Variants in INSR observed in about 807,000 individuals in gnomAD.
INSR encodes insulin receptor.
A neutral mutation model predicts 142.6 loss-of-function variants in INSR; 67 were observed. The ratio of observed to expected loss-of-function variants is 0.47; its 90% CI spans 0.39 to 0.58. The LOEUF is 0.58. INSR is among the 20% of genes least tolerant of loss of function. The pLI is 0.00. For synonymous variants in INSR, 756 were observed against 743.1 expected, an observed-to-expected ratio of 1.02 and a Z score of -0.28; for missense variants, 1,248 against 1,833.2, an observed-to-expected ratio of 0.68 and a Z score of 5.83.
intron 4 of INSR, 24 bp downstream of exon 4, chr19:7,174,559 C>A: frequency 6.2e-7 from 1 of 1,613,586 alleles, no homozygotes; most frequent in Non-Finnish European, 8.5e-7. Flanking sequence ...CAGGCACCCC[C>A]GACGCCCACA....
In INSR at chr19:7,113,054, C is replaced by T. The variant is rs1972243725; in HGVS notation, c.*4002G>A. ...TGAAGAGCCTAAGGTGTCAAGGACT[C>T]ACCAGGTGACATTCAAAGGACATTT... On this transcript the variant is annotated 3_prime_UTR_variant, in exon 22 of 22. Transcript: ENST00000302850. 1 of 152,176 alleles carries T rather than the reference C, an allele frequency of 6.6e-6. No homozygotes were observed. Among genetic ancestry groups the T allele is most frequent in the South Asian group, 2.1e-4 (1 of 4,826 alleles). 9.4% of individuals were successfully genotyped at this position (152,176 alleles called of 1,614,324 possible). A position where few individuals can be genotyped will look rare whatever the true frequency, so the allele number is the denominator to read the frequency against.
chr19:7,141,891 C>A (rs1973078326), intron 12 of INSR, 75 bp from the exon 13 acceptor site: 1 of 1,213,108 alleles, frequency 8.2e-7, no homozygotes, highest in Non-Finnish European at 1.2e-6. Flanking sequence ...GTCCATGGTG[C>A]AACCTTGGGC....
intron 2 of INSR, among the ~76,000 whole-genome samples, chr19:7,189,672 T>TC (rs1974523925): frequency 6.6e-6 from 1 of 152,096 alleles, no homozygotes; most frequent in East Asian, 1.9e-4. Flanking sequence ...TACTTTTTTT[T>TC]TTTTTTTTTG....
chr19:7,214,834 C>T (rs1005951188), intron 2 of INSR, among the ~76,000 whole-genome samples: 1 of 138,580 alleles, frequency 7.2e-6, no homozygotes, highest in African/African-American at 2.7e-5. Flanking sequence ...CCTTCCTTCC[C>T]TCCCTCCTTC....
chr19:7,116,896 C>T lies in INSR; in HGVS notation c.*160G>A. 1.5e-6 allele frequency: 1 copy of T among 672,610 alleles called. No homozygotes were observed. The highest frequency in any genetic ancestry group is 2.7e-6 in the Non-Finnish European group (1 of 373,632). 41.7% of individuals were successfully genotyped at this position (672,610 alleles called of 1,614,324 possible). A position where few individuals can be genotyped will look rare whatever the true frequency, so the allele number is the denominator to read the frequency against. ...CTGCAGGACTAGTTAAATTGGTAAC[C>T]AAACGAGTCCACCTTAAGATGAACA... On this transcript the variant is annotated 3_prime_UTR_variant, in exon 22 of 22. Transcript: ENST00000302850.
chr19:7,259,361 G>A (rs1239738855), intron 2 of INSR, among the ~76,000 whole-genome samples: 2 of 151,994 alleles, frequency 1.3e-5, no homozygotes, highest in African/African-American at 2.4e-5. Flanking sequence ...AGGGGTGGGC[G>A]GGGCAGTGTT....
chr19:7,120,011 G>A (rs546045501), intron 20 of INSR, among the ~76,000 whole-genome samples: 10 of 152,202 alleles, frequency 6.6e-5, no homozygotes, highest in Non-Finnish European at 1.5e-4. Flanking sequence ...AATCAATTTG[G>A]GGCTCCCAAA....
At chr19:7,274,644 CAAAA>C (rs927123572) in intron 1 of INSR, among the ~76,000 whole-genome samples, 1 of 145,694 alleles carries the variant, frequency 6.9e-6, no homozygotes, top group Non-Finnish European at 1.5e-5. Context: ...ACTAAAAATA[CAAAA>C]AAAAAATAGC....
Position 7,224,537 on chromosome 19 carries a change from C to T in INSR, c.653-39900G>A, listed in dbSNP as rs541908251. 7.2e-5 allele frequency among the ~76,000 whole-genome samples: 11 copies of T among 152,268 alleles called. No homozygotes were observed. In the South Asian group the frequency reaches 1.9e-3, roughly 26 times the overall value. On this transcript the variant is annotated intron_variant, in intron 2 of 21. Transcript: ENST00000302850. ...GCAGCGAGCCTCCACGAAGCCCAGGCGACTTGCCGACGGCCCCACTCCAGG... is the reference window on the plus strand; with the variant it reads ...GCAGCGAGCCTCCACGAAGCCCAGGTGACTTGCCGACGGCCCCACTCCAGG...
At chr19:7,231,668 G>A (rs12460755) in intron 2 of INSR, among the ~76,000 whole-genome samples, 34,640 of 151,880 alleles carry the variant, frequency 0.23, 5,027 homozygotes, top group Non-Finnish European at 0.32. Context: ...CCAACAACCT[G>A]CCATACATCC....
In INSR at chr19:7,128,919, C is replaced by T. The variant is rs765227638; in HGVS notation, c.2878G>A (p.Gly960Ser). The T allele has an allele frequency of 1.7e-5, 27 of 1,613,552 alleles. 1 individual carries two copies. The highest frequency in any genetic ancestry group is 8.8e-5 in the South Asian group (8 of 91,066). The change falls in exon 15 of 22, where the codon GGC becomes AGC. Residue 960 changes from glycine (G) to serine (S), a missense_variant. By Grantham distance (56) the Gly-to-Ser change is moderately conservative. Coordinates refer to ENST00000302850, the MANE Select transcript of INSR (RefSeq NM_000208.4). ...AAGAGAAAGACAAAGATGAGGGGGC[C>T]GATGATAATTTTTGCAATATTTGAC... ...VPSNIAKIII[G>S]PLIFVFLFSV...
At chr19:7,181,770 G>A (rs975531821) in intron 3 of INSR, among the ~76,000 whole-genome samples, 5 of 151,294 alleles carry the variant, frequency 3.3e-5, no homozygotes, top group East Asian at 2.0e-4. Flanking sequence ...TAGTAAAGAC[G>A]GGGTTTCACC....
At chr19:7,254,654 A>C (rs550229217) in intron 2 of INSR, among the ~76,000 whole-genome samples, 9 of 152,322 alleles carry the variant, frequency 5.9e-5, no homozygotes, top group African/African-American at 2.2e-4. Context: ...TGGGAAATGC[A>C]CGGTTCTATC....
chr19:7,262,893 G>A (rs766141370), intron 2 of INSR, among the ~76,000 whole-genome samples: 8 of 152,210 alleles, frequency 5.3e-5, no homozygotes, highest in Non-Finnish European at 8.8e-5. Context: ...GTTTCAGTTT[G>A]GGAGGATGAG....
chr19:7,269,350 G>A (rs1436237814), intron 1 of INSR, among the ~76,000 whole-genome samples: 1 of 141,290 alleles, frequency 7.1e-6, no homozygotes, highest in Non-Finnish European at 1.5e-5. Flanking sequence ...ATTCCATGCA[G>A]CAAATGGATT....
chr19:7,233,616 A>C (rs186959468), intron 2 of INSR, among the ~76,000 whole-genome samples: 275 of 151,166 alleles, frequency 1.8e-3, no homozygotes, highest in African/African-American at 6.5e-3. Context: ...CAATCCCTGC[A>C]ACACTGGGTC....
chr19:7,128,811 A>G, intron 15 of INSR, 41 bp downstream of exon 15: 1 of 1,393,902 alleles, frequency 7.2e-7, no homozygotes, highest in Non-Finnish European at 1.0e-6. Context: ...CCCCCAGAGA[A>G]CCAACTGTTC....
intron 2 of INSR, among the ~76,000 whole-genome samples, chr19:7,259,052 TCTTC>T (rs1300726416): frequency 2.2e-5 from 3 of 138,994 alleles, no homozygotes; most frequent in African/African-American, 8.0e-5. Context: ...TTCCTTTCTT[TCTTC>T]CTTCCTTTCT....
chr19:7,155,176 A>G (rs921447787), intron 9 of INSR, among the ~76,000 whole-genome samples: 6 of 152,032 alleles, frequency 3.9e-5, no homozygotes, highest in African/African-American at 1.4e-4. Flanking sequence ...ATCGTGGTGT[A>G]AAGCAATTCA....
Sources: allele counts gnomAD v4.1 joint callset (sites outside exome capture counted in the v4.1 genomes callset), GRCh38; gene constraint gnomAD v4.1.1; transcripts MANE v1.5; gene names NCBI Gene and HGNC (gene_info 2026-07-23, HGNC 2026-07-21).